CTNND2: variants seen among roughly 807,000 people sequenced by gnomAD.
CTNND2 encodes catenin delta-2.
A neutral mutation model predicts 144.4 loss-of-function variants in CTNND2; 22 were observed. The observed-to-expected ratio is 0.15, with a 90% CI of 0.11 to 0.22. The LOEUF is 0.22. CTNND2 is among the 10% of genes least tolerant of loss of function. The probability of loss-of-function intolerance (pLI) is 1.00; values close to 1 mark genes in which losing one functional copy is unlikely to be tolerated. For missense variants in CTNND2, 1,353 were observed against 1,618.8 expected, an observed-to-expected ratio of 0.84 and a Z score of 2.82; for synonymous variants, 751 against 695.6, an observed-to-expected ratio of 1.08 and a Z score of -1.25.
intron 1 of CTNND2, among the ~76,000 whole-genome samples, chr5:11,786,884 C>A (rs1281324611): frequency 1.3e-5 from 2 of 152,110 alleles, no homozygotes; most frequent in African/African-American, 2.4e-5. Flanking sequence ...AACATTTTCC[C>A]GAATAGAGTT....
At chr5:11,071,841 A>G (rs994101833) in intron 16 of CTNND2, among the ~76,000 whole-genome samples, 4 of 152,218 alleles carry the variant, frequency 2.6e-5, no homozygotes. Context: ...CAAAGTATCA[A>G]TAAGATATCA....
chr5:11,158,523 G>T (rs550803204), intron 12 of CTNND2, among the ~76,000 whole-genome samples: 16 of 152,306 alleles, frequency 1.1e-4, no homozygotes, highest in African/African-American at 3.6e-4. Context: ...AACGCATGTA[G>T]ATATTCGTGG....
chr5:11,556,854 T>G (rs903907767), intron 3 of CTNND2, among the ~76,000 whole-genome samples: 1 of 151,468 alleles, frequency 6.6e-6, no homozygotes, highest in East Asian at 1.9e-4. Flanking sequence ...TCCTTTTAGG[T>G]GTAGCTAACA....
rs747953553 is a variant in CTNND2 at position 11,384,945 on chromosome 5, C to T, written c.897G>A (p.Ser299=). The T allele has an allele frequency of 4.4e-6, 7 of 1,582,368 alleles. No individual in the cohort carries two copies. The East Asian group carries it at 6.9e-5, about 16-fold the overall frequency. Residue 299 remains serine (S), a synonymous_variant, in exon 7 of 22, where the codon TCG becomes TCA. Transcript: ENST00000304623. The surrounding 1 kb of genome is among the most constrained non-coding windows in gnomAD (Gnocchi z 5.2). ...GATYAAPRGS[S]PKQSPSRLAK... is the part of the protein sequence containing the mutation. ...CCAGGCGGCTGGGCGACTGCTTGGG[C>T]GAGGAGCCGCGCGGCGCGGCGTAGG... is the stretch of plus-strand genomic sequence containing the variant.
intron 2 of CTNND2, among the ~76,000 whole-genome samples, chr5:11,625,373 T>A (rs1781098356): frequency 6.8e-6 from 1 of 146,004 alleles, no homozygotes; most frequent in African/African-American, 2.6e-5. Flanking sequence ...AACAACTGGG[T>A]AATGCAAACA....
chr5:11,163,000 T>A (rs952620654), intron 11 of CTNND2, among the ~76,000 whole-genome samples: 1 of 152,020 alleles, frequency 6.6e-6, no homozygotes, highest in African/African-American at 2.4e-5. Context: ...TCTGAACAAA[T>A]GGAAAATAAA....
chr5:11,092,172 C>G (rs1320367150), intron 15 of CTNND2, among the ~76,000 whole-genome samples: 1 of 152,178 alleles, frequency 6.6e-6, no homozygotes, highest in Non-Finnish European at 1.5e-5. Context: ...TGACTAATGT[C>G]TAGTGTCTTA....
chr5:11,741,306 T>G (rs550239484), intron 1 of CTNND2, among the ~76,000 whole-genome samples: 35 of 152,198 alleles, frequency 2.3e-4, no homozygotes, highest in Non-Finnish European at 4.3e-4. Flanking sequence ...TAGCAAAGAC[T>G]TGAAACCAAC....
chr5:11,475,850 T>TTTTG (rs1252382608), intron 3 of CTNND2, among the ~76,000 whole-genome samples: 1 of 152,000 alleles, frequency 6.6e-6, no homozygotes, highest in East Asian at 1.9e-4. Context: ...ACTAGTTTTG[T>TTTTG]TTTGTTTGTT....
intron 2 of CTNND2, among the ~76,000 whole-genome samples, chr5:11,718,696 A>C (rs1290742105): frequency 6.6e-6 from 1 of 152,176 alleles, no homozygotes; most frequent in Admixed American, 6.5e-5. Flanking sequence ...AACATGTTGA[A>C]GTGTTATCAA....
chr5:11,555,023 A>C (rs1776098773), intron 3 of CTNND2, among the ~76,000 whole-genome samples: 2 of 152,120 alleles, frequency 1.3e-5, no homozygotes, highest in Admixed American at 1.3e-4. Flanking sequence ...AGAAATACTT[A>C]AGATTAATAA....
At chr5:11,370,742 T>C (rs760707717) in intron 7 of CTNND2, among the ~76,000 whole-genome samples, 1 of 152,220 alleles carries the variant, frequency 6.6e-6, no homozygotes, top group Non-Finnish European at 1.5e-5. Context: ...GTAACTGGTG[T>C]CTTCAAATTT....
intron 12 of CTNND2, among the ~76,000 whole-genome samples, chr5:11,120,298 A>G (rs1412814412): frequency 6.7e-6 from 1 of 149,230 alleles, no homozygotes; most frequent in Admixed American, 6.7e-5. Flanking sequence ...ATAGACTTCA[A>G]GAGGGGGTTA....
chr5:11,243,332 G>A (rs1322655662), intron 9 of CTNND2, among the ~76,000 whole-genome samples: 2 of 152,202 alleles, frequency 1.3e-5, no homozygotes, highest in Non-Finnish European at 2.9e-5. Flanking sequence ...TGGCAGGGAG[G>A]TGCTCACTGT....
intron 3 of CTNND2, among the ~76,000 whole-genome samples, chr5:11,479,869 T>G (rs2149972869): frequency 6.6e-6 from 1 of 152,334 alleles, no homozygotes; most frequent in South Asian, 2.1e-4. Flanking sequence ...GTTTAAGTTC[T>G]TATAAATTGG....
At chr5:11,061,831 C>T (rs1315523095) in intron 16 of CTNND2, among the ~76,000 whole-genome samples, 3 of 152,126 alleles carry the variant, frequency 2.0e-5, no homozygotes, top group African/African-American at 7.2e-5. Flanking sequence ...GCCTCAGCCT[C>T]TGGAGTAGCT....
chr5:11,584,888 T>A (rs1472358324), intron 2 of CTNND2, among the ~76,000 whole-genome samples: 2 of 152,186 alleles, frequency 1.3e-5, no homozygotes, highest in Non-Finnish European at 2.9e-5. Context: ...ACTGCATCAT[T>A]TTTCTCATGC....
intron 2 of CTNND2, among the ~76,000 whole-genome samples, chr5:11,682,853 G>A (rs1346830364): frequency 6.6e-6 from 1 of 152,058 alleles, no homozygotes; most frequent in Admixed American, 6.6e-5. Flanking sequence ...CAGAAACAAT[G>A]AAATTCAAAA....
At position 11,719,876 on chromosome 5, in the gene CTNND2, A is replaced by ACC. The variant is rs1554109703; in HGVS notation, c.174+12258_174+12259dup. On this transcript the variant is annotated intron_variant, in intron 2 of 21. Coordinates refer to ENST00000304623, the MANE Select transcript of CTNND2 (RefSeq NM_001332.4). ...CACACACACACACACACACACACAC[A>ACC]CCACAGATCCTTTCCAACTTTTTTC... Among the ~76,000 whole-genome samples, 11 of 144,196 alleles carry ACC rather than the reference A, an allele frequency of 7.6e-5. 1 individual carries two copies. The highest frequency in any genetic ancestry group is 1.3e-4 in the African/African-American group (5 of 37,556). The allele number at this position is 144,196 out of a possible 152,430, so 94.6% of individuals were successfully genotyped here.
Sources: gnomAD v4.1 joint callset for allele counts (sites outside exome capture counted in the v4.1 genomes callset) on GRCh38, gnomAD v4.1.1 for gene constraint, Gnocchi (gnomAD v3.1) non-coding constraint, MANE v1.5 for transcripts, NCBI Gene and HGNC (gene_info 2026-07-23, HGNC 2026-07-21) for gene names.